GLG1: variants seen among roughly 807,000 people sequenced by gnomAD.
The protein encoded by GLG1 is Golgi apparatus protein 1.
Under a neutral mutation model 160.5 loss-of-function variants are expected in GLG1, and 38 were observed. The observed-to-expected ratio is 0.24, with a 90% CI of 0.18 to 0.31. The LOEUF (loss-of-function observed/expected upper bound fraction) is 0.31. GLG1 is among the 10% of genes least tolerant of loss of function. GLG1 has a pLI of 1.00. For missense variants in GLG1, 1,373 were observed against 1,505.2 expected, an observed-to-expected ratio of 0.91 and a Z score of 1.45; for synonymous variants, 644 against 543.4, an observed-to-expected ratio of 1.19 and a Z score of -2.57.
In GLG1 at chr16:74,457,882, C is replaced by T. The variant is rs1195239156; in HGVS notation, c.3257G>A (p.Arg1086His). Residue 1086 changes from arginine to histidine, a missense_variant, in exon 24 of 26, where the codon CGC (arginine) becomes CAC (histidine). Coordinates refer to ENST00000422840, the MANE Select transcript of GLG1 (RefSeq NM_001145667.2). ...TGAACACAGAGACTTACGACGCCCG[C>T]GGCCAGGGGTGATGGCTGCGCAGTG... is the stretch of plus-strand genomic sequence containing the variant. ...KHHCAAITPG[R>H]GRQMSCLMEA... is the part of the protein sequence containing the mutation. The T allele has an allele frequency of 1.1e-5, 17 of 1,613,786 alleles. No individual in the cohort carries two copies. Among genetic ancestry groups the T allele is most frequent in the Admixed American group, 6.7e-5 (4 of 59,976 alleles).
intron 1 of GLG1, 43 bp downstream of exon 1, chr16:74,606,614 C>G: frequency 6.7e-7 from 1 of 1,502,408 alleles, no homozygotes; most frequent in Admixed American, 2.2e-5. Flanking sequence ...ACCCTCGGGC[C>G]CGCACCAGGC....
chr16:74,452,838 C>G lies in GLG1; in HGVS notation c.*329G>C, dbSNP rs904849529. ...TTTTTTGGTGGTTTTCTTAAAAAAG[C>G]CTTTGAGTTGCAGGTCAGGTGAGTT... is the stretch of plus-strand genomic sequence containing the variant. On this transcript the variant is annotated 3_prime_UTR_variant, in exon 26 of 26. Coordinates refer to ENST00000422840, the MANE Select transcript of GLG1 (RefSeq NM_001145667.2). 1.9e-6 allele frequency: 2 copies of G among 1,050,386 alleles called. No individual in the cohort carries two copies. The highest frequency in any genetic ancestry group is 5.5e-5 in the Admixed American group (1 of 18,226). 65.1% of individuals were successfully genotyped at this position (1,050,386 alleles called of 1,614,324 possible). A position where few individuals can be genotyped will look rare whatever the true frequency, so the allele number is the denominator to read the frequency against.
rs2014566254 is a variant in GLG1, at chr16:74,456,829, G to T, written c.3266-74C>A. On this transcript the variant is annotated intron_variant, in intron 24 of 25. Coordinates refer to ENST00000422840, the MANE Select transcript of GLG1 (RefSeq NM_001145667.2). ...GAGAAATTTCTGTAAAGATGAGGAA[G>T]AGGGTGCACAACCACCAGAGAATTC... is the stretch of plus-strand genomic sequence containing the variant. 7 of 907,042 alleles carry T rather than the reference G, an allele frequency of 7.7e-6. 1 individual carries two copies. Among genetic ancestry groups the T allele is most frequent in the South Asian group, 6.7e-5 (5 of 74,310 alleles). The allele number at this position is 907,042 out of a possible 1,614,324, so 56.2% of individuals were successfully genotyped here. A position where few individuals can be genotyped will look rare whatever the true frequency, so the allele number is the denominator to read the frequency against.
At chr16:74,575,418 A>G (rs2018975052) in intron 1 of GLG1, among the ~76,000 whole-genome samples, 1 of 152,222 alleles carries the variant, frequency 6.6e-6, no homozygotes, top group South Asian at 2.1e-4. Context: ...CAAAGATGTT[A>G]AGATGAAAAA....
chr16:74,537,715 T>C (rs940932637), intron 1 of GLG1, among the ~76,000 whole-genome samples: 3 of 146,080 alleles, frequency 2.1e-5, no homozygotes, highest in African/African-American at 7.7e-5. Context: ...ATGTGGAATT[T>C]AAAAATGTAC....
At chr16:74,481,808 G>A (rs994722837) in intron 10 of GLG1, among the ~76,000 whole-genome samples, 6 of 151,586 alleles carry the variant, frequency 4.0e-5, no homozygotes, top group Non-Finnish European at 5.9e-5. Flanking sequence ...TTTTTGAGAC[G>A]GAGTCTCGCT....
intron 1 of GLG1, among the ~76,000 whole-genome samples, chr16:74,568,717 C>A (rs2018731991): frequency 6.6e-6 from 1 of 152,102 alleles, no homozygotes; most frequent in Non-Finnish European, 1.5e-5. Context: ...TGCGCCTGGC[C>A]TGTACGTATA....
chr16:74,565,394 T>C (rs938909098), intron 1 of GLG1, among the ~76,000 whole-genome samples: 2 of 152,188 alleles, frequency 1.3e-5, no homozygotes, highest in African/African-American at 2.4e-5. Context: ...AAAGTTAGCC[T>C]AAAGCTGCCT....
chr16:74,489,989 C>T (rs1452893356), intron 8 of GLG1, among the ~76,000 whole-genome samples: 1 of 152,250 alleles, frequency 6.6e-6, no homozygotes, highest in Non-Finnish European at 1.5e-5. Context: ...AATAAAAATG[C>T]TAACTATAAA....
chr16:74,462,484 T>C lies in GLG1; in HGVS notation c.2934+4A>G. The C allele has an allele frequency of 3.1e-6, 5 of 1,612,832 alleles. No homozygotes were observed. The highest frequency in any genetic ancestry group is 1.3e-5 in the African/African-American group (1 of 75,036). ...ACCTTTGTGGAGAGCCCAGGCCAGT[T>C]TACCTGGTCAGCATATCTCAGCTTC... On this transcript the variant is annotated splice_donor_region_variant and intron_variant, in intron 21 of 25. Coordinates refer to ENST00000422840, the MANE Select transcript of GLG1 (RefSeq NM_001145667.2).
intron 1 of GLG1, among the ~76,000 whole-genome samples, chr16:74,542,961 G>A (rs901615894): frequency 1.6e-4 from 24 of 152,078 alleles, no homozygotes; most frequent in African/African-American, 5.8e-4. Flanking sequence ...AATGAGGGAT[G>A]TAAGATTACA....
chr16:74,601,944 G>A (rs1958448837), intron 1 of GLG1, among the ~76,000 whole-genome samples: 1 of 152,026 alleles, frequency 6.6e-6, no homozygotes, highest in African/African-American at 2.4e-5. Flanking sequence ...ACTTACTTTA[G>A]CTCTTTGAGC....
At chr16:74,567,221 G>C (rs79383277) in intron 1 of GLG1, among the ~76,000 whole-genome samples, 1 of 151,556 alleles carries the variant, frequency 6.6e-6, no homozygotes, top group Middle Eastern at 3.2e-3. Flanking sequence ...CAGAGAGAGA[G>C]AGAGAGAGAC....
chr16:74,578,306 C>T (rs1331192724), intron 1 of GLG1, among the ~76,000 whole-genome samples: 2 of 152,156 alleles, frequency 1.3e-5, no homozygotes, highest in African/African-American at 4.8e-5. Context: ...TCTCCTGCAG[C>T]TACTGCCTTG....
intron 1 of GLG1, among the ~76,000 whole-genome samples, chr16:74,586,064 G>GA (rs201949259): frequency 0.027 from 3,318 of 120,726 alleles, 106 homozygotes; most frequent in African/African-American, 0.088. Context: ...CTCTGTATCG[G>GA]AAAAAAAAAA....
rs555645688 is a variant in GLG1, at chr16:74,577,753, G to A, written c.438+28904C>T. Among the ~76,000 whole-genome samples, 86 of 152,072 alleles carry A rather than the reference G, an allele frequency of 5.7e-4. 2 individuals are homozygous for A. Among genetic ancestry groups the A allele is most frequent in the African/African-American group, 7.5e-4 (31 of 41,500 alleles). Reference sequence around the variant, plus strand: ...AGCCTCCTGAGTAACTGGGACCACAGGCACTACCAGCCACCATGACCGGTT... The same window carrying A: ...AGCCTCCTGAGTAACTGGGACCACAAGCACTACCAGCCACCATGACCGGTT... On this transcript the variant is annotated intron_variant, in intron 1 of 25. Coordinates refer to ENST00000422840, the MANE Select transcript of GLG1 (RefSeq NM_001145667.2).
At chr16:74,454,457 G>A (rs1033135671) in intron 25 of GLG1, among the ~76,000 whole-genome samples, 1 of 151,170 alleles carries the variant, frequency 6.6e-6, no homozygotes, top group Non-Finnish European at 1.5e-5. Flanking sequence ...CATGAAGTCA[G>A]GAGTTCAAGA....
intron 1 of GLG1, among the ~76,000 whole-genome samples, chr16:74,580,672 G>GT (rs1957918678): frequency 6.6e-6 from 1 of 152,104 alleles, no homozygotes; most frequent in Admixed American, 6.6e-5. Flanking sequence ...AAATGATAAA[G>GT]TAAACTACAT....
chr16:74,465,846 A>G, intron 18 of GLG1, 33 bp from the exon 19 acceptor site: 1 of 1,602,240 alleles, frequency 6.2e-7, no homozygotes, highest in Non-Finnish European at 8.5e-7. Flanking sequence ...AAGTTGAGAG[A>G]TGTCAGAGAC....
Sources: gnomAD v4.1 joint callset for allele counts (sites outside exome capture counted in the v4.1 genomes callset) on GRCh38, gnomAD v4.1.1 for gene constraint, MANE v1.5 for transcripts, NCBI Gene and HGNC (gene_info 2026-07-23, HGNC 2026-07-21) for gene names.